The following MGAT5B variants were observed in gnomAD, a reference collection of about 807,000 sequenced individuals.
MGAT5B encodes the protein alpha-1,6-mannosylglycoprotein 6-beta-N-acetylglucosaminyltransferase B.
In MGAT5B, 54 loss-of-function variants were observed where a neutral mutation model predicts 95.1. That is an observed-to-expected ratio of 0.57 (90% CI 0.46 to 0.71). MGAT5B has a LOEUF of 0.71. MGAT5B is among the 30% of genes least tolerant of loss of function. The pLI is 0.00. For missense variants in MGAT5B, 935 were observed against 1,088.6 expected (o/e 0.86, Z 1.99); for synonymous variants, 464 against 451.0 (o/e 1.03, Z -0.36).
chr17:76,913,744 A>G (rs1219140744), intron 8 of MGAT5B: 1 of 498,122 alleles, frequency 2.0e-6, no homozygotes, highest in African/African-American at 1.9e-5. Flanking sequence ...TGCTTCTAGA[A>G]GGAGATGTGG....
intron 3 of MGAT5B, among the ~76,000 whole-genome samples, chr17:76,884,810 G>A (rs892962611): frequency 6.6e-6 from 1 of 152,106 alleles, no homozygotes; most frequent in Non-Finnish European, 1.5e-5. Flanking sequence ...CACCATGTTG[G>A]CCAGGATGGT....
rs968838692 is a variant in MGAT5B, at chr17:76,906,876, C to G, written c.1025+689C>G. Among the ~76,000 whole-genome samples, 2 of 152,026 alleles carry G rather than the reference C, an allele frequency of 1.3e-5. No homozygotes were observed. The highest frequency in any genetic ancestry group is 4.8e-5 in the African/African-American group (2 of 41,364). ...TTTATTGTAAGATATATGATGCATA[C>G]AAAGTCTATGTAAAGTATGTTGTGA... is the stretch of plus-strand genomic sequence containing the variant. On this transcript the variant is annotated intron_variant, in intron 8 of 17. Coordinates refer to ENST00000569840, the MANE Select transcript of MGAT5B (RefSeq NM_001199172.2). This position sits in a 1 kb window ranked among gnomAD's most constrained non-coding sequence, Gnocchi z 4.6.
At position 76,905,186 on chromosome 17, in the gene MGAT5B, C is replaced by G; in HGVS notation, c.708C>G (p.Asn236Lys). 1.2e-6 allele frequency: 2 copies of G among 1,611,370 alleles called. No individual in the cohort carries two copies. Among genetic ancestry groups the G allele is most frequent in the Non-Finnish European group, 1.7e-6 (2 of 1,177,966 alleles). The change falls in exon 7 of 18, where the codon AAC (asparagine) becomes AAG (lysine). Residue 236 changes from asparagine to lysine, a missense_variant. Asn to Lys is a moderately conservative substitution (Grantham distance 94). This residue lies in a region of MGAT5B where 243 missense variants were observed against 305.5 expected (regional missense o/e 0.80). Transcript: ENST00000569840. This position sits in a 1 kb window ranked among gnomAD's most constrained non-coding sequence, Gnocchi z 4.2. ...CCCTCCAGGCAGTTTTCCGAAGCAA[C>G]CTGTCCCACCTTCTGGACCTGATGG... ...LPKVQAVFRSNLSHLLDLMGS... is the reference protein window; with the variant it reads ...LPKVQAVFRSKLSHLLDLMGS...
Position 76,940,528 on chromosome 17 carries a change from G to C in MGAT5B, c.1711G>C (p.Gly571Arg). The C allele has an allele frequency of 6.2e-7, 1 of 1,612,838 alleles. No homozygotes were observed. Among genetic ancestry groups the C allele is most frequent in the Non-Finnish European group, 8.5e-7 (1 of 1,179,266 alleles). Residue 571 changes from glycine (G) to arginine (R), a missense_variant, in exon 14 of 18, where the codon GGC becomes CGC. Around this residue, in one of 4 missense-constraint regions of MGAT5B, gnomAD observed 440 missense variants for 523.6 expected, o/e 0.84. Transcript: ENST00000569840. The surrounding 1 kb of genome is among the most constrained non-coding windows in gnomAD (Gnocchi z 4.3). Reference sequence around the variant, plus strand: ...CTCCCTCAACCACGAGTTCTTCCGAGGCAAGCCCACCTCCAGAGAGGTGAG... The same window carrying C: ...CTCCCTCAACCACGAGTTCTTCCGACGCAAGCCCACCTCCAGAGAGGTGAG... The part of the protein sequence containing the change: ...HSSLNHEFFR[G>R]KPTSREVFSQ...
intron 2 of MGAT5B, among the ~76,000 whole-genome samples, chr17:76,874,334 A>G (rs929136679): frequency 3.9e-5 from 6 of 152,126 alleles, no homozygotes; most frequent in Non-Finnish European, 8.8e-5. Context: ...CACTGCAGCA[A>G]AGCGTGTTTA....
chr17:76,871,831 G>C (rs1288986272), intron 1 of MGAT5B, among the ~76,000 whole-genome samples: 2 of 152,192 alleles, frequency 1.3e-5, no homozygotes, highest in African/African-American at 4.8e-5. Context: ...CCTCTGATAG[G>C]TTCAAGTTCC....
chr17:76,876,745 C>T (rs553125327), intron 2 of MGAT5B, among the ~76,000 whole-genome samples: 1 of 152,324 alleles, frequency 6.6e-6, no homozygotes, highest in East Asian at 1.9e-4. Flanking sequence ...ACATCTCATT[C>T]TGTATTCTGC....
At chr17:76,872,684 TG>T (rs1008588794) in intron 1 of MGAT5B, 166 bp from the exon 2 acceptor site, 80 of 1,530,008 alleles carry the variant, frequency 5.2e-5, no homozygotes, top group Non-Finnish European at 5.9e-5. Flanking sequence ...TATCCTATAG[TG>T]GGGGGGCCCT....
intron 5 of MGAT5B, among the ~76,000 whole-genome samples, chr17:76,903,682 G>A (rs1397383524): frequency 3.3e-5 from 5 of 152,192 alleles, no homozygotes; most frequent in South Asian, 2.1e-4. Context: ...ACAGCTGGAC[G>A]GAGAGTCTTC....
At chr17:76,877,194 C>T (rs904555712) in intron 2 of MGAT5B, among the ~76,000 whole-genome samples, 11 of 151,942 alleles carry the variant, frequency 7.2e-5, no homozygotes, top group Non-Finnish European at 1.5e-5. Flanking sequence ...GGTGTGGTGG[C>T]ACGTGCTGTC....
At position 76,916,358 on chromosome 17, in the gene MGAT5B, C is replaced by T. The variant is rs1045843130; in HGVS notation, c.1026-8608C>T. On this transcript the variant is annotated intron_variant, in intron 8 of 17. Transcript: ENST00000569840. This position sits in a 1 kb window ranked among gnomAD's most constrained non-coding sequence, Gnocchi z 5.3. ...GACCAATAAGCAAGACCGATGGAGG[C>T]CGTGCCGTGTCGCCTTTCCCAGCTC... Among the ~76,000 whole-genome samples the T allele has an allele frequency of 1.3e-5, 2 of 152,236 alleles. No individual in the cohort carries two copies. The highest frequency in any genetic ancestry group is 4.8e-5 in the African/African-American group (2 of 41,462).
At position 76,882,159 on chromosome 17, in the gene MGAT5B, G is replaced by A. The variant is rs775594326; in HGVS notation, c.190G>A (p.Gly64Ser). ...CCACACTCTGCCCACAGTGATGGGG[G>A]GCCCCGAGTCCCGCGGCGTCCTGCG... is the stretch of plus-strand genomic sequence containing the variant. ...PFTIRTEVMG[G>S]PESRGVLRKM... is the part of the protein sequence containing the mutation. The change falls in exon 3 of 18, where the codon GGC becomes AGC. Residue 64 changes from glycine to serine, a missense_variant. Physicochemically the swap from Gly to Ser is moderately conservative, Grantham distance 56. Transcript: ENST00000569840. 1.9e-6 allele frequency: 3 copies of A among 1,610,154 alleles called. No homozygotes were observed. The highest frequency in any genetic ancestry group is 3.3e-5 in the Admixed American group (2 of 59,818).
chr17:76,876,733 T>G (rs1967205641), intron 2 of MGAT5B, among the ~76,000 whole-genome samples: 1 of 152,234 alleles, frequency 6.6e-6, no homozygotes, highest in South Asian at 2.1e-4. Context: ...GAAATGTGAC[T>G]GACATCTCAT....
intron 12 of MGAT5B, among the ~76,000 whole-genome samples, chr17:76,936,385 G>A (rs778324439): frequency 6.6e-6 from 1 of 152,168 alleles, no homozygotes; most frequent in Non-Finnish European, 1.5e-5. Context: ...TCCAGCCTGG[G>A]CGACAGAGGG....
At chr17:76,947,566 C>G (rs1485415275) in intron 16 of MGAT5B, among the ~76,000 whole-genome samples, 1 of 152,196 alleles carries the variant, frequency 6.6e-6, no homozygotes, top group Non-Finnish European at 1.5e-5. Flanking sequence ...GCAGAGGGCC[C>G]TGAATCCAAG....
intron 3 of MGAT5B, among the ~76,000 whole-genome samples, chr17:76,896,118 C>A (rs1036986): frequency 2.6e-4 from 40 of 152,338 alleles, no homozygotes; most frequent in Admixed American, 2.0e-3. Flanking sequence ...ACCATCCCCC[C>A]AGTCCAGCCC....
rs377166684 is a variant in MGAT5B, at chr17:76,904,679, T to C, written c.690+257T>C. Among the ~76,000 whole-genome samples, 93 of 152,342 alleles carry C rather than the reference T, an allele frequency of 6.1e-4. No homozygotes were observed. In the South Asian group the frequency reaches 0.019, roughly 31 times the overall value. On this transcript the variant is annotated intron_variant, in intron 6 of 17. Transcript: ENST00000569840. ...GAGATGCCCCCTTAGTGGACTAGAA[T>C]AGTAGTAATAGCAGCTGTCACTTAT...
At chr17:76,880,393 T>TTATA (rs1474204429) in intron 2 of MGAT5B, among the ~76,000 whole-genome samples, 1 of 152,124 alleles carries the variant, frequency 6.6e-6, no homozygotes, top group Non-Finnish European at 1.5e-5. Flanking sequence ...AGGGGGTGAC[T>TTATA]TATATCAGGG....
In MGAT5B at chr17:76,948,888, C is replaced by G. The variant is rs370707961; in HGVS notation, c.*50C>G. The G allele has an allele frequency of 6.6e-7, 1 of 1,506,588 alleles. No homozygotes were observed. 93.3% of individuals were successfully genotyped at this position (1,506,588 alleles called of 1,614,324 possible). On this transcript the variant is annotated 3_prime_UTR_variant, in exon 18 of 18. Transcript: ENST00000569840. ...CACCCACGCTGGCTCTCTCCTGCCG[C>G]GGGAGAAAGCACCAGCAGGTTCTGA...
Sources: allele counts gnomAD v4.1 joint callset (sites outside exome capture counted in the v4.1 genomes callset), GRCh38; gene constraint gnomAD v4.1.1; regional missense constraint gnomAD v4.1.1; non-coding constraint Gnocchi (gnomAD v3.1); transcripts MANE v1.5; gene names NCBI Gene and HGNC (gene_info 2026-07-23, HGNC 2026-07-21).